The following SKAP1 variants were observed in gnomAD, a reference collection of about 807,000 sequenced individuals.
SKAP1 encodes src kinase-associated phosphoprotein 1.
A neutral mutation model predicts 58.5 loss-of-function variants in SKAP1; 44 were observed. That is an observed-to-expected ratio of 0.75 (90% CI 0.59 to 0.97). SKAP1 has a LOEUF of 0.97. Among genes scored for constraint, SKAP1 ranks in the 50% least tolerant of loss-of-function variants. The pLI is 0.00. For missense variants in SKAP1, 390 were observed against 435.2 expected (o/e 0.90, Z 0.92); for synonymous variants, 127 against 149.7 (o/e 0.85, Z 1.11).
At chr17:48,230,836 G>A (rs937947977) in intron 4 of SKAP1, among the ~76,000 whole-genome samples, 1 of 152,160 alleles carries the variant, frequency 6.6e-6, no homozygotes. Context: ...GACATGTAAT[G>A]AAATGGAATA....
rs541266515 is a variant in SKAP1, at chr17:48,400,716, C to G, written c.47-3931G>C. ...TGAGCTGAGATCACATCACTGCACT[C>G]CAGGCTGGGTGACAGAGCAAGACCT... is the stretch of plus-strand genomic sequence containing the variant. On this transcript the variant is annotated intron_variant, in intron 1 of 12. Transcript: ENST00000336915. 2.6e-5 allele frequency among the ~76,000 whole-genome samples: 4 copies of G among 151,434 alleles called. No homozygotes were observed. In the East Asian group the frequency reaches 7.8e-4, roughly 30 times the overall value.
chr17:48,382,984 G>A (rs1324243609), intron 2 of SKAP1, among the ~76,000 whole-genome samples: 2 of 152,236 alleles, frequency 1.3e-5, no homozygotes, highest in African/African-American at 4.8e-5. Flanking sequence ...CTATGGAGGA[G>A]CTAAGATGAC....
chr17:48,168,809 C>A (rs183145309), intron 10 of SKAP1, among the ~76,000 whole-genome samples: 1 of 152,324 alleles, frequency 6.6e-6, no homozygotes, highest in Non-Finnish European at 1.5e-5. Context: ...TTCCCCCAGA[C>A]CTCTATCTTT....
At chr17:48,308,377 C>T (rs570529768) in intron 4 of SKAP1, 1 of 152,250 alleles carries the variant, frequency 6.6e-6, no homozygotes, top group Admixed American at 6.5e-5. Context: ...AACTTATTCT[C>T]ACTTAAACTA....
intron 11 of SKAP1, among the ~76,000 whole-genome samples, chr17:48,141,392 G>GTTTTTGT (rs747563937): frequency 2.1e-4 from 32 of 151,304 alleles, no homozygotes; most frequent in Admixed American, 3.3e-4. Flanking sequence ...TTTTGTTTTT[G>GTTTTTGT]TTTTTTTTGA....
At chr17:48,320,297 C>A (rs2066345044) in intron 4 of SKAP1, among the ~76,000 whole-genome samples, 4 of 152,268 alleles carry the variant, frequency 2.6e-5, no homozygotes, top group South Asian at 4.2e-4. Flanking sequence ...TAAGTCTATT[C>A]TGAGAGGTAT....
chr17:48,413,523 A>AAAAAAAAAAAAAAAAAAAATATATAT, intron 1 of SKAP1, among the ~76,000 whole-genome samples: 2 of 105,454 alleles, frequency 1.9e-5, no homozygotes, highest in African/African-American at 8.6e-5. Context: ...TCAAAAAAAA[A>AAAAAAAAAAAAAAAAAAAATATATAT]ATATATATAT....
chr17:48,212,994 T>C (rs1233013640), intron 4 of SKAP1, among the ~76,000 whole-genome samples: 2 of 152,158 alleles, frequency 1.3e-5, no homozygotes, highest in African/African-American at 4.8e-5. Context: ...AGGGGATGCA[T>C]GCTTCTTAAA....
At chr17:48,224,028 GAGAGAGA>G (rs1478357832) in intron 4 of SKAP1, among the ~76,000 whole-genome samples, 1,772 of 125,072 alleles carry the variant, frequency 0.014, 62 homozygotes, top group African/African-American at 0.047. Context: ...GAGAGAGAGA[GAGAGAGA>G]AGAAGGAGGA....
intron 1 of SKAP1, among the ~76,000 whole-genome samples, chr17:48,402,457 G>A (rs1275712858): frequency 6.6e-6 from 1 of 151,936 alleles, no homozygotes; most frequent in African/African-American, 2.4e-5. Flanking sequence ...AGCCCCCCAA[G>A]TAGCTGGGAT....
intron 1 of SKAP1, among the ~76,000 whole-genome samples, chr17:48,413,070 C>A (rs2067685268): frequency 1.4e-5 from 2 of 145,704 alleles, no homozygotes; most frequent in African/African-American, 2.5e-5. Flanking sequence ...AAAAAAAAAA[C>A]CATAAAGAAG....
chr17:48,157,111 A>G (rs1197672595), intron 11 of SKAP1, among the ~76,000 whole-genome samples: 8 of 152,220 alleles, frequency 5.3e-5, no homozygotes, highest in Non-Finnish European at 1.0e-4. Flanking sequence ...ACAGGTGAGG[A>G]AACTGAAGAT....
chr17:48,406,647 C>T (rs1227874187), intron 1 of SKAP1, among the ~76,000 whole-genome samples: 5 of 151,992 alleles, frequency 3.3e-5, no homozygotes, highest in Non-Finnish European at 2.9e-5. Flanking sequence ...CTCACTGCAA[C>T]CTCCGCCTCC....
intron 1 of SKAP1, among the ~76,000 whole-genome samples, chr17:48,414,046 T>TTTGTTGAATGCTTATCACAGGCTTC (rs2067701968): frequency 6.6e-6 from 1 of 152,216 alleles, no homozygotes; most frequent in Non-Finnish European, 1.5e-5. Context: ...TCAAGAAATA[T>TTTGTTGAATGCTTATCACAGGCTTC]TTGTTGAATG....
intron 4 of SKAP1, among the ~76,000 whole-genome samples, chr17:48,217,438 G>A (rs1440077244): frequency 6.6e-6 from 1 of 152,070 alleles, no homozygotes; most frequent in Non-Finnish European, 1.5e-5. Context: ...CTTGAGCTCA[G>A]GTGTTTGAGA....
At chr17:48,199,616 C>T (rs1294642486) in intron 4 of SKAP1, among the ~76,000 whole-genome samples, 2 of 152,204 alleles carry the variant, frequency 1.3e-5, no homozygotes, top group Non-Finnish European at 2.9e-5. Context: ...ACAGTCTTGG[C>T]TCCCAGGGAC....
At chr17:48,377,714 AT>A (rs1160291209) in intron 2 of SKAP1, among the ~76,000 whole-genome samples, 8 of 152,168 alleles carry the variant, frequency 5.3e-5, no homozygotes, top group Admixed American at 2.6e-4. Context: ...CAAGATTAGG[AT>A]TTTTCTAGGC....
At chr17:48,370,652 A>T (rs2067072623) in intron 2 of SKAP1, among the ~76,000 whole-genome samples, 1 of 152,326 alleles carries the variant, frequency 6.6e-6, no homozygotes, top group Admixed American at 6.5e-5. Context: ...GGCTGTGGAG[A>T]AAAGGAACAC....
chr17:48,257,633 T>C (rs1371964502), intron 4 of SKAP1, among the ~76,000 whole-genome samples: 32 of 122,278 alleles, frequency 2.6e-4, no homozygotes, highest in East Asian at 6.0e-4. Flanking sequence ...TCTTTCTTTT[T>C]TTTTTTTTTT....
Sources: gnomAD v4.1 joint callset for allele counts (sites outside exome capture counted in the v4.1 genomes callset) on GRCh38, gnomAD v4.1.1 for gene constraint, MANE v1.5 for transcripts, NCBI Gene and HGNC (gene_info 2026-07-23, HGNC 2026-07-21) for gene names.